Variants in DUSP16 observed in about 807,000 individuals in gnomAD.
The protein encoded by DUSP16 is dual specificity phosphatase 16.
A neutral mutation model predicts 58.3 loss-of-function variants in DUSP16; 21 were observed. The observed-to-expected ratio is 0.36, with a 90% CI of 0.26 to 0.52. The LOEUF is 0.52. DUSP16 is among the 20% of genes least tolerant of loss of function. The pLI, the probability that DUSP16 is intolerant of heterozygous loss-of-function variation, is 0.94. For missense variants in DUSP16, 726 were observed against 819.0 expected, an observed-to-expected ratio of 0.89 and a Z score of 1.39; for synonymous variants, 320 against 323.8, an observed-to-expected ratio of 0.99 and a Z score of 0.12.
chr12:12,561,355 C>T (rs993990663), intron 1 of DUSP16, among the ~76,000 whole-genome samples: 3 of 152,216 alleles, frequency 2.0e-5, no homozygotes, highest in African/African-American at 4.8e-5. Context: ...CATTCATTTT[C>T]AGATCTACTT....
At chr12:12,486,068 C>T (rs1943677312) in intron 5 of DUSP16, among the ~76,000 whole-genome samples, 1 of 149,484 alleles carries the variant, frequency 6.7e-6, no homozygotes, top group South Asian at 2.1e-4. Context: ...GCTGGGATTA[C>T]AGGCGTGACC....
At chr12:12,497,782 A>T (rs1943849824) in intron 4 of DUSP16, among the ~76,000 whole-genome samples, 1 of 151,996 alleles carries the variant, frequency 6.6e-6, no homozygotes, top group African/African-American at 2.4e-5. Context: ...CCATCCTGGC[A>T]AACATGGTGA....
intron 3 of DUSP16, among the ~76,000 whole-genome samples, chr12:12,518,714 A>G (rs952224493): frequency 2.0e-5 from 3 of 152,224 alleles, no homozygotes; most frequent in East Asian, 3.8e-4. Context: ...ACAGAATCTA[A>G]TATTATAATT....
chr12:12,551,611 T>G (rs1310223723), intron 1 of DUSP16, among the ~76,000 whole-genome samples: 1 of 151,960 alleles, frequency 6.6e-6, no homozygotes, highest in Non-Finnish European at 1.5e-5. Flanking sequence ...AGACTGATGG[T>G]GATATTAATG....
chr12:12,524,649 C>G (rs777054751), intron 1 of DUSP16, among the ~76,000 whole-genome samples: 2 of 152,146 alleles, frequency 1.3e-5, no homozygotes, highest in Non-Finnish European at 2.9e-5. Flanking sequence ...TTCTATAAGT[C>G]AAGGGGAATA....
chr12:12,528,624 C>G (rs1944338260), intron 1 of DUSP16, among the ~76,000 whole-genome samples: 1 of 152,068 alleles, frequency 6.6e-6, no homozygotes, highest in Non-Finnish European at 1.5e-5. Flanking sequence ...TATTTGGCAC[C>G]TAATATGTGC....
chr12:12,529,461 G>A (rs914430010), intron 1 of DUSP16, among the ~76,000 whole-genome samples: 12 of 152,136 alleles, frequency 7.9e-5, no homozygotes, highest in African/African-American at 2.7e-4. Flanking sequence ...TGTACAACAC[G>A]ATATTCTGAA....
chr12:12,476,229 T>A lies in DUSP16; in HGVS notation c.*604A>T, dbSNP rs901214194. 6.5e-5 allele frequency: 10 copies of A among 152,682 alleles called. No individual in the cohort carries two copies. The highest frequency in any genetic ancestry group is 2.4e-4 in the African/African-American group (10 of 41,466). 9.5% of individuals were successfully genotyped at this position (152,682 alleles called of 1,614,324 possible). On this transcript the variant is annotated 3_prime_UTR_variant, in exon 7 of 7. Coordinates refer to ENST00000298573, the MANE Select transcript of DUSP16 (RefSeq NM_030640.3). ...TGGTCAAAGCCCCGACTTTCCTGTC[T>A]GAGGTACTGGGTTTGCTCTAAGGTA...
intron 4 of DUSP16, chr12:12,491,357 A>C (rs905922229): frequency 6.6e-6 from 1 of 151,936 alleles, no homozygotes; most frequent in Non-Finnish European, 1.5e-5. Flanking sequence ...GACTCATCTT[A>C]TTGTTTGTAA....
At chr12:12,513,919 A>G (rs1485256294) in intron 3 of DUSP16, among the ~76,000 whole-genome samples, 2 of 152,306 alleles carry the variant, frequency 1.3e-5, no homozygotes, top group Non-Finnish European at 1.5e-5. Flanking sequence ...TACATAGTGA[A>G]TAAGTAAAAG....
intron 5 of DUSP16, 132 bp downstream of exon 5, chr12:12,486,896 G>C: frequency 1.9e-6 from 2 of 1,026,726 alleles, no homozygotes; most frequent in Non-Finnish European, 2.9e-6. Context: ...GCTGCACCAC[G>C]TGCTGTTTTC....
At chr12:12,485,505 A>G (rs989351259) in intron 5 of DUSP16, 4 of 152,090 alleles carry the variant, frequency 2.6e-5, no homozygotes, top group Non-Finnish European at 5.9e-5. Flanking sequence ...GGGGCTTAAT[A>G]TACATAATTC....
rs540956228 is a variant in DUSP16, at chr12:12,529,296, G to C, written c.-365-7833C>G. 2.0e-5 allele frequency among the ~76,000 whole-genome samples: 3 copies of C among 152,034 alleles called. No homozygotes were observed. The East Asian group carries it at 5.8e-4, about 29-fold the overall frequency. On this transcript the variant is annotated intron_variant, in intron 1 of 6. Transcript: ENST00000298573. ...CTGGCTAATTTTTATTTCTTGTAGA[G>C]ACGGGGTCTCACTGTGTTGCTTAGT...
At chr12:12,510,043 C>T (rs2136222199) in intron 3 of DUSP16, among the ~76,000 whole-genome samples, 1 of 152,218 alleles carries the variant, frequency 6.6e-6, no homozygotes, top group East Asian at 1.9e-4. Context: ...TCTGCTGTAT[C>T]CACAGGACTT....
intron 1 of DUSP16, among the ~76,000 whole-genome samples, chr12:12,528,334 G>A (rs894599322): frequency 1.3e-5 from 2 of 152,198 alleles, no homozygotes; most frequent in African/African-American, 2.4e-5. Flanking sequence ...GGTGTATGGA[G>A]GTGGTCTTGG....
In DUSP16 at chr12:12,521,385, T is replaced by C. The variant is rs2136232883; in HGVS notation, c.-287A>G. The C allele has an allele frequency of 1.5e-6, 2 of 1,296,834 alleles. No individual in the cohort carries two copies. Among genetic ancestry groups the C allele is most frequent in the Middle Eastern group, 3.0e-4 (1 of 3,294 alleles). 80.3% of individuals were successfully genotyped at this position (1,296,834 alleles called of 1,614,324 possible). On this transcript the variant is annotated 5_prime_UTR_variant, in exon 2 of 7. Transcript: ENST00000298573. ...GGAATAACCATTCCACAACAAAAGA[T>C]GCTTTGGAGCAGCCAGCGCATTACA...
chr12:12,501,900 G>T (rs1943916083), intron 3 of DUSP16, among the ~76,000 whole-genome samples: 1 of 152,154 alleles, frequency 6.6e-6, no homozygotes, highest in Non-Finnish European at 1.5e-5. Flanking sequence ...TGAGGCAGGA[G>T]AATCGCTTGA....
Position 12,562,744 on chromosome 12 carries a change from G to A in DUSP16, c.-993C>T, listed in dbSNP as rs1193320286. Among the ~76,000 whole-genome samples, 3 of 151,518 alleles carry A rather than the reference G, an allele frequency of 2.0e-5. No individual in the cohort carries two copies. Among genetic ancestry groups the A allele is most frequent in the East Asian group, 3.9e-4 (2 of 5,176 alleles). On this transcript the variant is annotated 5_prime_UTR_variant, in exon 1 of 7. Transcript: ENST00000298573. ...AGGCGAGGGCAGGGCGGTGGGCGCC[G>A]GGCGGGGCCGCGCGCTCGCCCATCC... is the stretch of plus-strand genomic sequence containing the variant.
chr12:12,529,535 T>C (rs757478754), intron 1 of DUSP16, among the ~76,000 whole-genome samples: 1 of 152,266 alleles, frequency 6.6e-6, no homozygotes, highest in Non-Finnish European at 1.5e-5. Flanking sequence ...TAGCCATCAT[T>C]GTTGTGATGA....
Sources: gnomAD v4.1 joint callset for allele counts (sites outside exome capture counted in the v4.1 genomes callset) on GRCh38, gnomAD v4.1.1 for gene constraint, MANE v1.5 for transcripts, NCBI Gene and HGNC (gene_info 2026-07-23, HGNC 2026-07-21) for gene names.